WWOX: variants seen among roughly 807,000 people sequenced by gnomAD.
WWOX encodes the protein WW domain containing oxidoreductase.
In WWOX, 69 loss-of-function variants were observed where a neutral mutation model predicts 46.2. The observed-to-expected ratio is 1.49, with a 90% CI of 1.23 to 1.82. The LOEUF (loss-of-function observed/expected upper bound fraction) is 1.82. WWOX is among the 40% of genes most tolerant of loss of function. The probability of loss-of-function intolerance (pLI) is 0.00; values close to 1 mark genes in which losing one functional copy is unlikely to be tolerated. For missense variants in WWOX, 919 were observed against 542.6 expected, an observed-to-expected ratio of 1.69 and a Z score of -6.89; for synonymous variants, 359 against 202.6, an observed-to-expected ratio of 1.77 and a Z score of -6.56.
chr16:78,215,831 C>T (rs2036701696), intron 5 of WWOX, among the ~76,000 whole-genome samples: 1 of 151,482 alleles, frequency 6.6e-6, no homozygotes, highest in African/African-American at 2.4e-5. Flanking sequence ...GACCCTGAGG[C>T]AGGAGAATCG....
At chr16:78,405,866 A>T (rs2082517647) in intron 6 of WWOX, among the ~76,000 whole-genome samples, 2 of 152,136 alleles carry the variant, frequency 1.3e-5, no homozygotes, top group Non-Finnish European at 1.5e-5. Context: ...ACATAATGAG[A>T]GGCAGACACA....
intron 6 of WWOX, among the ~76,000 whole-genome samples, chr16:78,419,602 A>G (rs1392902296): frequency 6.8e-6 from 1 of 146,652 alleles, no homozygotes; most frequent in Non-Finnish European, 1.5e-5. Flanking sequence ...TCACACTTGC[A>G]TAAACTACAC....
chr16:78,591,822 C>CA (rs2045359151), intron 8 of WWOX, among the ~76,000 whole-genome samples: 1 of 152,106 alleles, frequency 6.6e-6, no homozygotes, highest in Non-Finnish European at 1.5e-5. Context: ...TGACAAAACT[C>CA]AAAGAAGATG....
At chr16:78,885,816 A>G (rs79272934) in intron 8 of WWOX, among the ~76,000 whole-genome samples, 1 of 152,050 alleles carries the variant, frequency 6.6e-6, no homozygotes, top group Non-Finnish European at 1.5e-5. Flanking sequence ...TTAAGTCTAT[A>G]TATTAAAGAA....
intron 8 of WWOX, among the ~76,000 whole-genome samples, chr16:78,841,879 ATT>A (rs2052160564): frequency 6.6e-6 from 1 of 152,166 alleles, no homozygotes; most frequent in Non-Finnish European, 1.5e-5. Flanking sequence ...GTTATACAAT[ATT>A]TCTTTTGAAA....
At chr16:78,458,258 GTTTTT>G (rs78333090) in intron 8 of WWOX, among the ~76,000 whole-genome samples, 15 of 120,968 alleles carry the variant, frequency 1.2e-4, no homozygotes, top group African/African-American at 2.9e-4. Context: ...CATTGGTATA[GTTTTT>G]TTTTTTTTTT....
intron 8 of WWOX, among the ~76,000 whole-genome samples, chr16:78,777,492 G>A (rs991474818): frequency 1.1e-4 from 17 of 152,108 alleles, no homozygotes; most frequent in South Asian, 6.2e-4. Flanking sequence ...AAATACAGAC[G>A]TAGAAAGACA....
chr16:78,581,818 T>G (rs2045063630), intron 8 of WWOX, among the ~76,000 whole-genome samples: 1 of 152,202 alleles, frequency 6.6e-6, no homozygotes, highest in Admixed American at 6.5e-5. Context: ...ACTAGTAGTG[T>G]AAGTTGATTT....
chr16:79,155,127 C>G (rs890816189), intron 8 of WWOX, among the ~76,000 whole-genome samples: 2 of 152,184 alleles, frequency 1.3e-5, no homozygotes, highest in African/African-American at 4.8e-5. Context: ...CCTGTAATCC[C>G]AGCACTTTGG....
intron 5 of WWOX, among the ~76,000 whole-genome samples, chr16:78,215,505 C>G (rs1394142867): frequency 6.6e-6 from 1 of 152,220 alleles, no homozygotes; most frequent in African/African-American, 2.4e-5. Flanking sequence ...GTGCTTGCTT[C>G]TGCTTTGCCT....
chr16:78,996,979 C>T (rs1372968179), intron 8 of WWOX, among the ~76,000 whole-genome samples: 1 of 152,202 alleles, frequency 6.6e-6, no homozygotes, highest in Non-Finnish European at 1.5e-5. Flanking sequence ...GATCTTTTCG[C>T]CTTGGCAGTC....
Position 78,648,667 on chromosome 16 carries a change from A to G in WWOX, c.1056+215915A>G, listed in dbSNP as rs763001084. On this transcript the variant is annotated intron_variant, in intron 8 of 8. Transcript: ENST00000566780. ...CCAATCATACAGGATGTCCTGGTCTAGGGAGCCCACCTCCGGCTTCCCCAT... is the reference window on the plus strand; with the variant it reads ...CCAATCATACAGGATGTCCTGGTCTGGGGAGCCCACCTCCGGCTTCCCCAT... 2.3e-4 allele frequency among the ~76,000 whole-genome samples: 35 copies of G among 152,158 alleles called. 1 individual carries two copies. The highest frequency in any genetic ancestry group is 1.0e-4 in the Non-Finnish European group (7 of 68,036).
chr16:78,573,521 T>A lies in WWOX; in HGVS notation c.1056+140769T>A, dbSNP rs561208464. Among the ~76,000 whole-genome samples the A allele has an allele frequency of 2.6e-5, 4 of 152,344 alleles. No homozygotes were observed. In the South Asian group the frequency reaches 8.3e-4, roughly 32 times the overall value. ...CTTCCTAAAACACACCTTTGTCACA[T>A]CACTCCTCTGCTCAAAAACATTCAG... On this transcript the variant is annotated intron_variant, in intron 8 of 8. Transcript: ENST00000566780.
chr16:78,609,266 T>A (rs2045839909), intron 8 of WWOX, among the ~76,000 whole-genome samples: 1 of 152,182 alleles, frequency 6.6e-6, no homozygotes, highest in Admixed American at 6.5e-5. Flanking sequence ...ACTGCCAAGT[T>A]ATTTTTTTGT....
intron 8 of WWOX, among the ~76,000 whole-genome samples, chr16:78,706,399 G>T (rs1446957696): frequency 6.6e-6 from 1 of 151,928 alleles, no homozygotes; most frequent in Non-Finnish European, 1.5e-5. Context: ...AATCTCTCTG[G>T]GGGCATCCTG....
At chr16:78,641,796 G>C (rs1267423617) in intron 8 of WWOX, among the ~76,000 whole-genome samples, 8 of 152,180 alleles carry the variant, frequency 5.3e-5, no homozygotes, top group African/African-American at 1.4e-4. Flanking sequence ...CTGGGTCATT[G>C]AAATTAATTT....
chr16:78,221,835 G>A (rs2151798527), intron 5 of WWOX, among the ~76,000 whole-genome samples: 1 of 152,246 alleles, frequency 6.6e-6, no homozygotes, highest in South Asian at 2.1e-4. Flanking sequence ...CATGCATACA[G>A]GTCTCACCTC....
intron 5 of WWOX, among the ~76,000 whole-genome samples, chr16:78,339,423 G>T (rs181500893): frequency 8.6e-6 from 1 of 116,480 alleles, no homozygotes; most frequent in Non-Finnish European, 2.0e-5. Context: ...GTTTGGGGTT[G>T]TTGTCCTTTT....
chr16:78,298,120 G>A (rs972058142), intron 5 of WWOX, among the ~76,000 whole-genome samples: 1 of 152,118 alleles, frequency 6.6e-6, no homozygotes, highest in Non-Finnish European at 1.5e-5. Flanking sequence ...CTTCCATCAT[G>A]AATGTAAGTT....
Sources: gnomAD v4.1 joint callset for allele counts (sites outside exome capture counted in the v4.1 genomes callset) on GRCh38, gnomAD v4.1.1 for gene constraint, MANE v1.5 for transcripts, NCBI Gene and HGNC (gene_info 2026-07-23, HGNC 2026-07-21) for gene names.